Variants in ITGA9 observed in about 807,000 individuals in gnomAD.
ITGA9 encodes integrin subunit alpha 9, also known as integrin alpha-9.
ITGA9 carries 56 observed loss-of-function variants against 127.8 expected under a neutral mutation model. The observed-to-expected ratio is 0.44, with a 90% confidence interval of 0.35 to 0.55. ITGA9 has a LOEUF of 0.55. ITGA9 is among the 20% of genes least tolerant of loss of function. ITGA9 has a pLI of 0.00. For missense variants in ITGA9, 1,196 were observed against 1,347.1 expected (o/e 0.89, Z 1.76); for synonymous variants, 508 against 514.5 (o/e 0.99, Z 0.17).
chr3:37,761,668 A>C (rs953548787), intron 23 of ITGA9, among the ~76,000 whole-genome samples: 2 of 152,234 alleles, frequency 1.3e-5, no homozygotes, highest in African/African-American at 2.4e-5. Flanking sequence ...GTAAATTGGT[A>C]AGTGGCTAAG....
At chr3:37,616,794 A>T (rs1471242132) in intron 15 of ITGA9, among the ~76,000 whole-genome samples, 7 of 151,620 alleles carry the variant, frequency 4.6e-5, no homozygotes, top group Non-Finnish European at 8.8e-5. Flanking sequence ...AACCCCTGCC[A>T]TTTTTTGTTT....
chr3:37,485,603 G>C (rs974230531), intron 4 of ITGA9, among the ~76,000 whole-genome samples: 14 of 152,184 alleles, frequency 9.2e-5, no homozygotes, highest in African/African-American at 2.9e-4. Context: ...ATATGGGCCA[G>C]CTGTGCTCCT....
chr3:37,725,213 T>C (rs1485899741), intron 18 of ITGA9, among the ~76,000 whole-genome samples: 1 of 152,226 alleles, frequency 6.6e-6, no homozygotes, highest in Non-Finnish European at 1.5e-5. Context: ...TTCTTAGTTA[T>C]GTATCATGTA....
chr3:37,531,874 G>T (rs1699155926), intron 13 of ITGA9, among the ~76,000 whole-genome samples: 1 of 152,192 alleles, frequency 6.6e-6, no homozygotes, highest in South Asian at 2.1e-4. Context: ...TTAGTAAGTG[G>T]GGGCCAGAGG....
chr3:37,499,752 T>G (rs1698769189), intron 5 of ITGA9, among the ~76,000 whole-genome samples: 1 of 152,104 alleles, frequency 6.6e-6, no homozygotes, highest in South Asian at 2.1e-4. Flanking sequence ...GTGTGAGCAC[T>G]GGGGGCGGAG....
At chr3:37,682,141 C>G (rs1700740094) in intron 17 of ITGA9, among the ~76,000 whole-genome samples, 1 of 152,166 alleles carries the variant, frequency 6.6e-6, no homozygotes, top group African/African-American at 2.4e-5. Flanking sequence ...GCCCACTTCC[C>G]CCACCAGCTA....
At chr3:37,684,596 C>G (rs890521963) in intron 18 of ITGA9, among the ~76,000 whole-genome samples, 13 of 152,214 alleles carry the variant, frequency 8.5e-5, no homozygotes, top group Non-Finnish European at 1.6e-4. Flanking sequence ...CCACCTCATC[C>G]TCCCGAGTAG....
chr3:37,780,268 A>G (rs970328106), intron 25 of ITGA9, among the ~76,000 whole-genome samples: 4 of 152,208 alleles, frequency 2.6e-5, no homozygotes, highest in South Asian at 2.1e-4. Context: ...AGTGTACCCA[A>G]TAGTGAACAT....
At chr3:37,732,823 C>T in intron 19 of ITGA9, 25 bp downstream of exon 19, 1 of 1,547,068 alleles carries the variant, frequency 6.5e-7, no homozygotes, top group Non-Finnish European at 8.9e-7. Flanking sequence ...CGGGACCCTT[C>T]CTCAGCAGCA....
intron 14 of ITGA9, among the ~76,000 whole-genome samples, chr3:37,536,771 C>G (rs886608030): frequency 1.3e-5 from 2 of 152,218 alleles, no homozygotes; most frequent in Non-Finnish European, 2.9e-5. Flanking sequence ...GCCTTGGCCT[C>G]TGAAACAGGC....
intron 5 of ITGA9, among the ~76,000 whole-genome samples, chr3:37,496,201 C>T (rs1233653925): frequency 6.6e-6 from 1 of 152,206 alleles, no homozygotes; most frequent in African/African-American, 2.4e-5. Flanking sequence ...AAAGAAAAGG[C>T]AGAAAGTCTG....
rs7610896 is a variant in ITGA9, at chr3:37,452,932, A to G, written c.185+373A>G. On this transcript the variant is annotated intron_variant, in intron 1 of 27. Transcript: ENST00000264741. This position sits in a 1 kb window ranked among gnomAD's most constrained non-coding sequence, Gnocchi z 7.3. ...GCCTCCGGGCGGCCGCCGCTGGCCC[A>G]GCGAGCCTCCTGAACCTCGCAGGGC... is the stretch of plus-strand genomic sequence containing the variant. 0.82 allele frequency among the ~76,000 whole-genome samples: 124,273 copies of G among 152,222 alleles called. 51,261 individuals are homozygous for G. Among genetic ancestry groups the G allele is most frequent in the Middle Eastern group, 0.88 (258 of 294 alleles).
intron 1 of ITGA9, among the ~76,000 whole-genome samples, chr3:37,470,319 T>G (rs1178956008): frequency 3.9e-5 from 6 of 152,276 alleles, no homozygotes; most frequent in African/African-American, 1.4e-4. Context: ...GTTTTAATGG[T>G]TTATACTGCC....
At chr3:37,500,719 C>T (rs1698779116) in intron 5 of ITGA9, among the ~76,000 whole-genome samples, 1 of 152,204 alleles carries the variant, frequency 6.6e-6, no homozygotes, top group Non-Finnish European at 1.5e-5. Flanking sequence ...TCAGAGCCAG[C>T]AGCTTCTGCC....
intron 23 of ITGA9, among the ~76,000 whole-genome samples, chr3:37,758,080 T>C (rs576027423): frequency 6.6e-6 from 1 of 151,196 alleles, no homozygotes; most frequent in Admixed American, 6.6e-5. Flanking sequence ...TCCCAGCACT[T>C]TGGGAGGCCG....
At chr3:37,477,923 TTC>T (rs1491018449) in intron 3 of ITGA9, among the ~76,000 whole-genome samples, 1 of 150,882 alleles carries the variant, frequency 6.6e-6, no homozygotes, top group African/African-American at 2.4e-5. Context: ...ATTTTTTTTT[TTC>T]AAAGCCACAG....
At chr3:37,686,943 G>GC (rs1160087414) in intron 18 of ITGA9, among the ~76,000 whole-genome samples, 1 of 152,072 alleles carries the variant, frequency 6.6e-6, no homozygotes, top group East Asian at 1.9e-4. Context: ...CACCAGGAGA[G>GC]CCCCCCCAAC....
At chr3:37,802,734 C>A (rs1043181239) in intron 26 of ITGA9, among the ~76,000 whole-genome samples, 1 of 152,184 alleles carries the variant, frequency 6.6e-6, no homozygotes, top group East Asian at 1.9e-4. Flanking sequence ...ACAATCAGTT[C>A]TCTGGCAGGA....
At chr3:37,725,363 G>C (rs1696170939) in intron 18 of ITGA9, among the ~76,000 whole-genome samples, 1 of 152,198 alleles carries the variant, frequency 6.6e-6, no homozygotes, top group Non-Finnish European at 1.5e-5. Flanking sequence ...CTAGTACATG[G>C]AAGAGAATGT....
Sources: gnomAD v4.1 joint callset for allele counts (sites outside exome capture counted in the v4.1 genomes callset) on GRCh38, gnomAD v4.1.1 for gene constraint, Gnocchi (gnomAD v3.1) non-coding constraint, MANE v1.5 for transcripts, NCBI Gene and HGNC (gene_info 2026-07-23, HGNC 2026-07-21) for gene names.